TOPBP1: variants seen among roughly 807,000 people sequenced by gnomAD.
The protein encoded by TOPBP1 is DNA topoisomerase 2-binding protein 1.
TOPBP1 carries 28 observed loss-of-function variants against 167.7 expected under a neutral mutation model. The observed-to-expected ratio is 0.17, with a 90% CI of 0.12 to 0.23. The LOEUF (loss-of-function observed/expected upper bound fraction) is 0.23. Among genes scored for constraint, TOPBP1 ranks in the 10% least tolerant of loss-of-function variants. The probability of loss-of-function intolerance (pLI) is 1.00; values close to 1 mark genes in which losing one functional copy is unlikely to be tolerated. For missense variants in TOPBP1, 1,554 were observed against 1,809.6 expected, an observed-to-expected ratio of 0.86 and a Z score of 2.56; for synonymous variants, 598 against 611.4, an observed-to-expected ratio of 0.98 and a Z score of 0.32.
Position 133,612,504 on chromosome 3 carries a change from ATGTG to A in TOPBP1, c.3916_3919del (p.His1306LeufsTer13). The A allele has an allele frequency of 6.2e-7, 1 of 1,613,930 alleles. No individual in the cohort carries two copies. The highest frequency in any genetic ancestry group is 8.5e-7 in the Non-Finnish European group (1 of 1,179,844). On this transcript the variant is annotated frameshift_variant, in exon 24 of 28. Coordinates refer to ENST00000260810, the MANE Select transcript of TOPBP1 (RefSeq NM_007027.4). LOFTEE classifies it high-confidence loss of function. Reference sequence around the variant, plus strand: ...GTTTCGAAGTGGATGTCCCACAACAATGTGTGTACAGGTGGGATCAAAGCACTGC... The same window carrying A: ...GTTTCGAAGTGGATGTCCCACAACAATGTACAGGTGGGATCAAAGCACTGC...
intron 16 of TOPBP1, among the ~76,000 whole-genome samples, chr3:133,626,967 G>A (rs1935290137): frequency 6.6e-6 from 1 of 152,162 alleles, no homozygotes; most frequent in Non-Finnish European, 1.5e-5. Flanking sequence ...ACAGAAGACA[G>A]TATCCGATGA....
chr3:133,654,379 T>G (rs1244755661), intron 6 of TOPBP1, among the ~76,000 whole-genome samples: 2 of 152,210 alleles, frequency 1.3e-5, no homozygotes, highest in African/African-American at 4.8e-5. Flanking sequence ...TTTGAAGCAG[T>G]ATCACAGAGG....
chr3:133,638,231 G>A (rs1444347145), intron 13 of TOPBP1, 69 bp from the exon 14 acceptor site: 7 of 1,429,362 alleles, frequency 4.9e-6, no homozygotes, highest in African/African-American at 4.3e-5. Flanking sequence ...TACACAAGAA[G>A]TAATATTTTA....
At chr3:133,639,821 G>A (rs1327558244) in intron 13 of TOPBP1, 138 bp downstream of exon 13, 5 of 762,560 alleles carry the variant, frequency 6.6e-6, no homozygotes, top group Admixed American at 2.8e-5. Flanking sequence ...TGTAGACTTC[G>A]AACACTGAGA....
intron 23 of TOPBP1, among the ~76,000 whole-genome samples, 153 bp downstream of exon 23, chr3:133,616,661 T>G (rs1934892111): frequency 6.6e-6 from 1 of 152,232 alleles, no homozygotes; most frequent in Admixed American, 6.5e-5. Flanking sequence ...AAATCAAAGT[T>G]CCAATGCTGA....
Position 133,657,783 on chromosome 3 carries a change from G to A in TOPBP1, c.363+15C>T. ...GATATATAAATTGATCAATCATCATGAGATCAATATCTACCCTTTTTTCTT... is the reference window on the plus strand; with the variant it reads ...GATATATAAATTGATCAATCATCATAAGATCAATATCTACCCTTTTTTCTT... On this transcript the variant is annotated intron_variant, in intron 4 of 27. Coordinates refer to ENST00000260810, the MANE Select transcript of TOPBP1 (RefSeq NM_007027.4). The A allele has an allele frequency of 6.6e-7, 1 of 1,518,514 alleles. No homozygotes were observed. Among genetic ancestry groups the A allele is most frequent in the Non-Finnish European group, 8.8e-7 (1 of 1,136,560 alleles). 94.1% of individuals were successfully genotyped at this position (1,518,514 alleles called of 1,614,324 possible).
intron 10 of TOPBP1, among the ~76,000 whole-genome samples, chr3:133,646,783 G>A (rs140284107): frequency 0.019 from 2,874 of 152,262 alleles, 65 homozygotes; most frequent in Admixed American, 0.052. Context: ...TACGGAAATA[G>A]TGTAAATAAA....
At chr3:133,651,765 CTG>C (rs1243591795) in intron 8 of TOPBP1, among the ~76,000 whole-genome samples, 2 of 152,170 alleles carry the variant, frequency 1.3e-5, no homozygotes, top group African/African-American at 4.8e-5. Flanking sequence ...TAATGTCTCT[CTG>C]TGTGACTCTG....
In TOPBP1 at chr3:133,656,625, T is replaced by C. The variant is rs375389070; in HGVS notation, c.545+51A>G. On this transcript the variant is annotated intron_variant, in intron 5 of 27. Coordinates refer to ENST00000260810, the MANE Select transcript of TOPBP1 (RefSeq NM_007027.4). ...AGAGTATATCACATGCCAAAAATGATTGAATGCATCATTTTTTCAAATCTA... is the reference window on the plus strand; with the variant it reads ...AGAGTATATCACATGCCAAAAATGACTGAATGCATCATTTTTTCAAATCTA... The C allele has an allele frequency of 1.1e-5, 17 of 1,520,536 alleles. 1 individual carries two copies. The East Asian group carries it at 1.4e-4, about 12-fold the overall frequency. The allele number at this position is 1,520,536 out of a possible 1,614,324, so 94.2% of individuals were successfully genotyped here. A position where few individuals can be genotyped will look rare whatever the true frequency, so the allele number is the denominator to read the frequency against.
At chr3:133,612,244 T>C in intron 24 of TOPBP1, 145 bp downstream of exon 24, 1 of 793,956 alleles carries the variant, frequency 1.3e-6, no homozygotes, top group South Asian at 1.8e-5. Flanking sequence ...TTCACCATGT[T>C]GGCCAGGCAT....
chr3:133,655,259 T>G, intron 6 of TOPBP1, 31 bp downstream of exon 6: 2 of 1,293,248 alleles, frequency 1.5e-6, no homozygotes, highest in Non-Finnish European at 2.0e-6. Context: ...AGAAAATGTT[T>G]CATTTGTCCC....
chr3:133,609,054 T>C, intron 25 of TOPBP1, 92 bp from the exon 26 acceptor site: 1 of 1,033,104 alleles, frequency 9.7e-7, no homozygotes, highest in South Asian at 1.6e-5. Context: ...CTTAGTTTTG[T>C]CAATAAATCT....
At chr3:133,607,102 G>A (rs547942746) in intron 27 of TOPBP1, among the ~76,000 whole-genome samples, 25 of 152,220 alleles carry the variant, frequency 1.6e-4, no homozygotes, top group African/African-American at 5.3e-4. Context: ...CTAAATGTTG[G>A]CAAAATATGG....
rs184117265 is a variant in TOPBP1, at chr3:133,657,533, G to T, written c.363+265C>A. 3.5e-3 allele frequency among the ~76,000 whole-genome samples: 535 copies of T among 152,076 alleles called. 1 individual carries two copies. The highest frequency in any genetic ancestry group is 0.012 in the African/African-American group (502 of 41,468). ...GACTGTCCACCTATAGTGGAAAAAT[G>T]TAAGTGATTAAAAAATGAGTGTCCT... On this transcript the variant is annotated intron_variant, in intron 4 of 27. Coordinates refer to ENST00000260810, the MANE Select transcript of TOPBP1 (RefSeq NM_007027.4).
At chr3:133,651,299 A>C (rs909338844) in intron 8 of TOPBP1, among the ~76,000 whole-genome samples, 5 of 146,322 alleles carry the variant, frequency 3.4e-5, no homozygotes, top group Non-Finnish European at 6.0e-5. Flanking sequence ...TGATTCTCCT[A>C]CCTCAGCCTC....
In TOPBP1 at chr3:133,601,194, T is replaced by C; in HGVS notation, c.*56A>G. ...CTACCCAAATCTATCACAGTCACAT[T>C]CAGGCTTTCAATTTTTAAAAACATT... On this transcript the variant is annotated 3_prime_UTR_variant, in exon 28 of 28. Coordinates refer to ENST00000260810, the MANE Select transcript of TOPBP1 (RefSeq NM_007027.4). The C allele has an allele frequency of 6.8e-7, 1 of 1,477,682 alleles. No individual in the cohort carries two copies. Among genetic ancestry groups the C allele is most frequent in the Non-Finnish European group, 9.2e-7 (1 of 1,089,366 alleles). 91.5% of individuals were successfully genotyped at this position (1,477,682 alleles called of 1,614,324 possible).
At chr3:133,639,844 C>T in intron 13 of TOPBP1, 115 bp downstream of exon 13, 1 of 1,022,820 alleles carries the variant, frequency 9.8e-7, no homozygotes, top group Non-Finnish European at 1.4e-6. Context: ...CTCACTGCAC[C>T]CAATGTGAAA....
rs1475644053 is a variant in TOPBP1, at chr3:133,656,783, A to G, written c.438T>C (p.Leu146=). ...YRDLNVSVTH[L]IAGEVGSKKY... ...TTTTGCTACCAACTTCTCCTGCAAT[A>G]AGGTGAGTTACTGATACATTAAGGT... Residue 146 remains leucine (L), a synonymous_variant, in exon 5 of 28, where the codon CTT becomes CTC. Coordinates refer to ENST00000260810, the MANE Select transcript of TOPBP1 (RefSeq NM_007027.4). The G allele has an allele frequency of 3.1e-6, 5 of 1,613,064 alleles. No individual in the cohort carries two copies. The Admixed American group carries it at 8.4e-5, about 27-fold the overall frequency.
At chr3:133,616,765 A>G in intron 23 of TOPBP1, 49 bp downstream of exon 23, 1 of 1,129,866 alleles carries the variant, frequency 8.9e-7, no homozygotes, top group Non-Finnish European at 1.2e-6. Context: ...TTGACTTCCA[A>G]ATATGGTTAT....
Sources: gnomAD v4.1 joint callset for allele counts (sites outside exome capture counted in the v4.1 genomes callset) on GRCh38, gnomAD v4.1.1 for gene constraint, MANE v1.5 for transcripts, NCBI Gene and HGNC (gene_info 2026-07-23, HGNC 2026-07-21) for gene names.